The following PPWD1 variants were observed in gnomAD, a reference collection of about 807,000 sequenced individuals.
PPWD1 encodes the protein peptidylprolyl isomerase domain and WD repeat-containing protein 1.
Under a neutral mutation model 68.8 loss-of-function variants are expected in PPWD1, and 43 were observed. The observed-to-expected ratio is 0.62, with a 90% confidence interval of 0.49 to 0.81. The LOEUF is 0.81. Among genes scored for constraint, PPWD1 ranks in the 30% least tolerant of loss-of-function variants. PPWD1 has a pLI of 0.00. For synonymous variants in PPWD1, 232 were observed against 258.7 expected, an observed-to-expected ratio of 0.90 and a Z score of 0.99; for missense variants, 672 against 804.8, an observed-to-expected ratio of 0.83 and a Z score of 2.00.
At chr5:65,577,563 A>G (rs1753355683) in intron 6 of PPWD1, among the ~76,000 whole-genome samples, 1 of 152,240 alleles carries the variant, frequency 6.6e-6, no homozygotes, top group African/African-American at 2.4e-5. Context: ...TTAATATTTT[A>G]AGGAGAAAAA....
At chr5:65,586,605 A>G (rs1024629048) in intron 10 of PPWD1, among the ~76,000 whole-genome samples, 2 of 152,162 alleles carry the variant, frequency 1.3e-5, no homozygotes, top group African/African-American at 4.8e-5. Context: ...AATACAGTAT[A>G]AGGTAACCTA....
Position 65,563,747 on chromosome 5 carries a change from A to G in PPWD1, c.196+241A>G, listed in dbSNP as rs1650622610. 5.5e-6 allele frequency: 8 copies of G among 1,447,146 alleles called. No individual in the cohort carries two copies. The Admixed American group carries it at 1.6e-4, about 28-fold the overall frequency. 89.6% of individuals were successfully genotyped at this position (1,447,146 alleles called of 1,614,324 possible). On this transcript the variant is annotated intron_variant, in intron 1 of 10. Coordinates refer to ENST00000261308, the MANE Select transcript of PPWD1 (RefSeq NM_015342.4). ...TCATTGATTTGTTATGACAGATGCT[A>G]AAACTAACATTTTCCTATTCTTATG...
intron 5 of PPWD1, among the ~76,000 whole-genome samples, chr5:65,575,183 G>A (rs957522472): frequency 2.0e-5 from 3 of 152,172 alleles, no homozygotes; most frequent in Admixed American, 1.3e-4. Flanking sequence ...GTACTTACCA[G>A]GTTGGATAAC....
At chr5:65,572,752 A>G (rs903641745) in intron 5 of PPWD1, among the ~76,000 whole-genome samples, 1 of 151,580 alleles carries the variant, frequency 6.6e-6, no homozygotes, top group Non-Finnish European at 1.5e-5. Context: ...GTTATCCTTA[A>G]CTCTTTTACC....
intron 7 of PPWD1, among the ~76,000 whole-genome samples, chr5:65,581,774 C>T (rs1406950094): frequency 6.6e-6 from 1 of 152,058 alleles, no homozygotes; most frequent in Non-Finnish European, 1.5e-5. Flanking sequence ...TTCACTGTAG[C>T]TTTATACAGC....
chr5:65,578,716 G>GTATATACATATATATATACATATA (rs1197337607), intron 6 of PPWD1, among the ~76,000 whole-genome samples: 6 of 127,378 alleles, frequency 4.7e-5, no homozygotes, highest in African/African-American at 1.8e-4. Flanking sequence ...TTATATATAT[G>GTATATACATATATATATACATATA]TATATACATA....
At chr5:65,585,920 A>G in intron 9 of PPWD1, 79 bp from the exon 10 acceptor site, 1 of 1,545,046 alleles carries the variant, frequency 6.5e-7, no homozygotes. Flanking sequence ...AATACAAAGC[A>G]CTCTTGGCAG....
intron 7 of PPWD1, 39 bp from the exon 8 acceptor site, chr5:65,582,999 C>T (rs1321589607): frequency 2.0e-6 from 3 of 1,463,734 alleles, no homozygotes; most frequent in Non-Finnish European, 2.7e-6. Flanking sequence ...CAGATGAAAA[C>T]TTTAATTCGT....
intron 1 of PPWD1, among the ~76,000 whole-genome samples, chr5:65,566,363 G>A (rs559594645): frequency 2.3e-4 from 35 of 152,178 alleles, no homozygotes; most frequent in Non-Finnish European, 4.6e-4. Flanking sequence ...TGATTATTAA[G>A]ATTACAGCAG....
At chr5:65,570,662 C>G (rs377143602) in intron 4 of PPWD1, among the ~76,000 whole-genome samples, 2 of 152,020 alleles carry the variant, frequency 1.3e-5, no homozygotes, top group African/African-American at 4.8e-5. Flanking sequence ...AGTCCAAGAT[C>G]AAGGTTCCAT....
Position 65,569,668 on chromosome 5 carries a change from T to C in PPWD1, c.336T>C (p.His112=), listed in dbSNP as rs1243307477. 3.1e-6 allele frequency: 5 copies of C among 1,604,624 alleles called. No individual in the cohort carries two copies. The highest frequency in any genetic ancestry group is 3.4e-6 in the Non-Finnish European group (4 of 1,172,808). The part of the protein sequence containing the change: ...DFIITASHDG[H]VKFWKKIEEG... Reference sequence around the variant, plus strand: ...TTATTACTGCCAGTCATGATGGACATGTCAAGTTCTGGAAAAAAATAGAAG... The same window carrying C: ...TTATTACTGCCAGTCATGATGGACACGTCAAGTTCTGGAAAAAAATAGAAG... Residue 112 remains histidine, a synonymous_variant, in exon 3 of 11, where the codon CAT becomes CAC. Coordinates refer to ENST00000261308, the MANE Select transcript of PPWD1 (RefSeq NM_015342.4).
In PPWD1 at chr5:65,587,440, TAAAC is replaced by T. The variant is rs1561735729; in HGVS notation, c.*46_*49del. The T allele has an allele frequency of 1.4e-6, 2 of 1,447,182 alleles. No homozygotes were observed. The highest frequency in any genetic ancestry group is 1.9e-6 in the Non-Finnish European group (2 of 1,056,926). 89.6% of individuals were successfully genotyped at this position (1,447,182 alleles called of 1,614,324 possible). A position where few individuals can be genotyped will look rare whatever the true frequency, so the allele number is the denominator to read the frequency against. On this transcript the variant is annotated 3_prime_UTR_variant, in exon 11 of 11. Coordinates refer to ENST00000261308, the MANE Select transcript of PPWD1 (RefSeq NM_015342.4). Reference sequence around the variant, plus strand: ...GTACTTGCAAATAAAAATACAATATTAAACAGATTATTTTACATTAGGAAGCTTA... The same window carrying T: ...GTACTTGCAAATAAAAATACAATATTAGATTATTTTACATTAGGAAGCTTA...
At chr5:65,582,986 T>A in intron 7 of PPWD1, 52 bp from the exon 8 acceptor site, 1 of 1,450,366 alleles carries the variant, frequency 6.9e-7, no homozygotes, top group Non-Finnish European at 9.1e-7. Context: ...ATAAAATTTT[T>A]ACCAGATGAA....
intron 6 of PPWD1, 102 bp from the exon 7 acceptor site, chr5:65,579,322 T>G: frequency 3.7e-6 from 5 of 1,351,970 alleles, no homozygotes; most frequent in Non-Finnish European, 4.8e-6. Flanking sequence ...AGTTATTTTG[T>G]ACATAGATAA....
Position 65,585,029 on chromosome 5 carries a change from G to A in PPWD1, c.1548G>A (p.Val516=), listed in dbSNP as rs1337361703. ...GTCTTAATAGGTGCCCTAAGACAGT[G>A]GAAAACTTCTGTGTTCACAGCAGAA... ...KLFPVECPKT[V]ENFCVHSRNG... Residue 516 remains valine (V), a synonymous_variant, in exon 9 of 11, where the codon GTG becomes GTA. Coordinates refer to ENST00000261308, the MANE Select transcript of PPWD1 (RefSeq NM_015342.4). The A allele has an allele frequency of 6.2e-7, 1 of 1,612,286 alleles. No individual in the cohort carries two copies. The highest frequency in any genetic ancestry group is 8.5e-7 in the Non-Finnish European group (1 of 1,178,634).
intron 7 of PPWD1, among the ~76,000 whole-genome samples, chr5:65,581,358 A>G (rs1000751861): frequency 6.6e-6 from 1 of 152,158 alleles, no homozygotes. Context: ...GGGCCCAAGC[A>G]GAAAGATCAT....
Position 65,577,025 on chromosome 5 carries a change from T to C in PPWD1, c.1116T>C (p.Tyr372=). Residue 372 remains tyrosine (Y), a synonymous_variant, in exon 6 of 11, where the codon TAT becomes TAC. Coordinates refer to ENST00000261308, the MANE Select transcript of PPWD1 (RefSeq NM_015342.4). The part of the protein sequence containing the change: ...VFDETGHFVL[Y]GTMLGIKVIN... ...ATGAAACTGGACACTTCGTGCTGTA[T>C]GGAACAATGCTGGGCATTAAAGTTA... is the stretch of plus-strand genomic sequence containing the variant. The C allele has an allele frequency of 6.2e-7, 1 of 1,614,106 alleles. No individual in the cohort carries two copies.
intron 1 of PPWD1, chr5:65,564,062 G>A (rs35984619): frequency 0.042 from 21,163 of 499,300 alleles, 767 homozygotes; most frequent in Middle Eastern, 0.11. Context: ...GAAGTCTGTG[G>A]TTTTGAAATC....
rs373879376 is a variant in PPWD1, at chr5:65,583,334, A to C, written c.1532+115A>C. ...ACTTTGACTTAAGGAATTTTGAAGA[A>C]ACGTTTGATAAAAAACATCTATTCC... On this transcript the variant is annotated intron_variant, in intron 8 of 10. Transcript: ENST00000261308. The C allele has an allele frequency of 6.9e-5, 82 of 1,188,294 alleles. No homozygotes were observed. The East Asian group carries it at 1.8e-3, about 26-fold the overall frequency. 73.6% of individuals were successfully genotyped at this position (1,188,294 alleles called of 1,614,324 possible). A position where few individuals can be genotyped will look rare whatever the true frequency, so the allele number is the denominator to read the frequency against.
Sources: gnomAD v4.1 joint callset for allele counts (sites outside exome capture counted in the v4.1 genomes callset) on GRCh38, gnomAD v4.1.1 for gene constraint, MANE v1.5 for transcripts, NCBI Gene and HGNC (gene_info 2026-07-23, HGNC 2026-07-21) for gene names.